Variants in ZNF385C observed in about 807,000 individuals in gnomAD.
The protein encoded by ZNF385C is CTD-2132N18.2.
A neutral mutation model predicts 35.4 loss-of-function variants in ZNF385C; 28 were observed. The observed-to-expected ratio is 0.79, with a 90% CI of 0.59 to 1.08. The LOEUF (loss-of-function observed/expected upper bound fraction) is 1.08, where lower values mean the gene tolerates loss of function less well. Among genes scored for constraint, ZNF385C ranks in the 50% least tolerant of loss-of-function variants. The pLI is 0.00. For synonymous variants in ZNF385C, 248 were observed against 248.2 expected (o/e 1.00, Z 0.01); for missense variants, 605 against 595.6 (o/e 1.02, Z -0.16).
intron 1 of ZNF385C, among the ~76,000 whole-genome samples, chr17:42,079,525 CCATGGTGGTG>C (rs1207141867): frequency 1.3e-5 from 2 of 150,802 alleles, no homozygotes; most frequent in Non-Finnish European, 2.9e-5. Context: ...AATTAGTTGA[CCATGGTGGTG>C]CATGTCTGTA....
In ZNF385C at chr17:42,027,737, C is replaced by A. The variant is rs373988096; in HGVS notation, c.1165-9G>T. 1 of 1,607,496 alleles carries A rather than the reference C, an allele frequency of 6.2e-7. No homozygotes were observed. The highest frequency in any genetic ancestry group is 1.7e-5 in the Admixed American group (1 of 58,100). On this transcript the variant is annotated splice_polypyrimidine_tract_variant and intron_variant, in intron 7 of 8. Coordinates refer to ENST00000692273, the MANE Select transcript of ZNF385C (RefSeq NM_001392013.1). Reference sequence around the variant, plus strand: ...CTCCTGCTGCTCATGTGCTAATGGACAGACAGACAGACTGGGAACAAGATG... The same window carrying A: ...CTCCTGCTGCTCATGTGCTAATGGAAAGACAGACAGACTGGGAACAAGATG...
intron 1 of ZNF385C, among the ~76,000 whole-genome samples, chr17:42,079,402 A>G (rs1317079582): frequency 7.0e-6 from 1 of 142,414 alleles, no homozygotes; most frequent in African/African-American, 2.7e-5. Flanking sequence ...AAAAAAAAAA[A>G]TACTGACCAG....
chr17:42,083,971 G>A (rs532682668), intron 1 of ZNF385C, among the ~76,000 whole-genome samples: 157 of 151,858 alleles, frequency 1.0e-3, no homozygotes, highest in Non-Finnish European at 1.7e-3. Context: ...AACCTGCCTC[G>A]GCCTCCCAAA....
At chr17:42,064,796 C>T (rs2053524061) in intron 1 of ZNF385C, among the ~76,000 whole-genome samples, 1 of 152,028 alleles carries the variant, frequency 6.6e-6, no homozygotes, top group South Asian at 2.1e-4. Flanking sequence ...ACCTCCTGAC[C>T]TCAGGTGATC....
intron 1 of ZNF385C, among the ~76,000 whole-genome samples, chr17:42,097,634 G>A (rs549780664): frequency 5.3e-5 from 8 of 152,254 alleles, no homozygotes; most frequent in South Asian, 4.1e-4. Flanking sequence ...AGAGCTCTGA[G>A]CATCACATTC....
rs1373197906 is a variant in ZNF385C, at chr17:42,025,964, G to C, written c.*933C>G. The C allele has an allele frequency of 1.3e-5, 2 of 152,100 alleles. No individual in the cohort carries two copies. Among genetic ancestry groups the C allele is most frequent in the Non-Finnish European group, 2.9e-5 (2 of 68,066 alleles). 9.4% of individuals were successfully genotyped at this position (152,100 alleles called of 1,614,324 possible). A position where few individuals can be genotyped will look rare whatever the true frequency, so the allele number is the denominator to read the frequency against. On this transcript the variant is annotated 3_prime_UTR_variant, in exon 9 of 9. Transcript: ENST00000692273. ...CCTTTGGGAGCTCTGCGGGGGGTTC[G>C]GTGTTAGCTGAGTCCATAGTCTGAG...
chr17:42,090,892 G>A (rs150775583), intron 1 of ZNF385C, among the ~76,000 whole-genome samples: 1,540 of 152,174 alleles, frequency 0.01, 26 homozygotes, highest in African/African-American at 0.035. Context: ...AAAAAAAAGA[G>A]AACCTATCTT....
intron 1 of ZNF385C, among the ~76,000 whole-genome samples, chr17:42,086,107 A>G (rs1234047869): frequency 6.6e-6 from 1 of 151,900 alleles, no homozygotes; most frequent in African/African-American, 2.4e-5. Flanking sequence ...AATTTAAAAA[A>G]CCGGCTGGGT....
intron 2 of ZNF385C, chr17:42,040,655 C>G: frequency 8.1e-7 from 1 of 1,232,298 alleles, no homozygotes; most frequent in Non-Finnish European, 1.0e-6. Flanking sequence ...GCTTCCACTA[C>G]AGGCAGCAGG....
intron 1 of ZNF385C, among the ~76,000 whole-genome samples, chr17:42,068,990 T>G (rs886238080): frequency 6.6e-6 from 1 of 151,364 alleles, no homozygotes. Context: ...GCCAAAGAGG[T>G]GGGGAGGAAG....
At chr17:42,047,793 A>G (rs1555656764) in intron 2 of ZNF385C, among the ~76,000 whole-genome samples, 1 of 151,768 alleles carries the variant, frequency 6.6e-6, no homozygotes, top group African/African-American at 2.4e-5. Context: ...AGCTGGGATT[A>G]CAGGCGCGCA....
At chr17:42,076,328 G>C (rs1420189010) in intron 1 of ZNF385C, among the ~76,000 whole-genome samples, 1 of 152,070 alleles carries the variant, frequency 6.6e-6, no homozygotes, top group Non-Finnish European at 1.5e-5. Context: ...AAGATAAAGA[G>C]GGGGAGGCTC....
At chr17:42,072,561 C>T (rs1598200715) in intron 1 of ZNF385C, among the ~76,000 whole-genome samples, 3 of 152,126 alleles carry the variant, frequency 2.0e-5, no homozygotes, top group East Asian at 3.9e-4. Flanking sequence ...CCCGCGCCTA[C>T]CTGGAGAGCG....
chr17:42,042,805 C>G (rs1315609723), intron 2 of ZNF385C: 6 of 1,231,668 alleles, frequency 4.9e-6, no homozygotes, highest in Non-Finnish European at 6.1e-6. Context: ...TTCCCAAGCC[C>G]TTCCCCCATA....
At chr17:42,057,462 G>A (rs193011644) in intron 2 of ZNF385C, among the ~76,000 whole-genome samples, 2 of 150,040 alleles carry the variant, frequency 1.3e-5, no homozygotes, top group East Asian at 3.9e-4. Context: ...TCTCTTTGCA[G>A]TTGTCAGAGA....
chr17:42,076,504 C>T (rs2053687108), intron 1 of ZNF385C, among the ~76,000 whole-genome samples: 1 of 152,124 alleles, frequency 6.6e-6, no homozygotes. Context: ...TGCCTGTAGT[C>T]CCAGCTACTC....
chr17:42,038,113 A>C (rs1598182837), intron 2 of ZNF385C: 1 of 1,521,764 alleles, frequency 6.6e-7, no homozygotes, highest in Non-Finnish European at 8.8e-7. Context: ...CTCCCAGCCC[A>C]GAGGGATGAC....
chr17:42,041,093 C>T (rs2053007705), intron 2 of ZNF385C: 1 of 1,232,218 alleles, frequency 8.1e-7, no homozygotes, highest in African/African-American at 1.6e-5. Context: ...CTGTGTGACT[C>T]CGGCCAGTCT....
intron 3 of ZNF385C, among the ~76,000 whole-genome samples, chr17:42,036,419 G>A (rs1045999581): frequency 3.9e-5 from 6 of 152,140 alleles, no homozygotes; most frequent in Non-Finnish European, 7.4e-5. Context: ...CAGGCTGGGC[G>A]TGGTGGCTCA....
Sources: allele counts gnomAD v4.1 joint callset (sites outside exome capture counted in the v4.1 genomes callset), GRCh38; gene constraint gnomAD v4.1.1; transcripts MANE v1.5; gene names NCBI Gene and HGNC (gene_info 2026-07-23, HGNC 2026-07-21).